CES3: variants seen among roughly 807,000 people sequenced by gnomAD.
The protein encoded by CES3 is carboxylesterase 3 (brain).
In CES3, 49 loss-of-function variants were observed where a neutral mutation model predicts 57.6. The ratio of observed to expected loss-of-function variants is 0.85; its 90% CI spans 0.68 to 1.08. The LOEUF (loss-of-function observed/expected upper bound fraction) is 1.08, where lower values mean the gene tolerates loss of function less well. Ranked by LOEUF, CES3 falls within the 50% of genes least tolerant of loss-of-function variation. The pLI is 0.00. For missense variants in CES3, 645 were observed against 742.0 expected (o/e 0.87, Z 1.52); for synonymous variants, 266 against 281.6 (o/e 0.94, Z 0.55).
At position 66,973,166 on chromosome 16, in the gene CES3, T is replaced by C. The variant is rs189762509; in HGVS notation, c.*117T>C. 7.8e-5 allele frequency: 69 copies of C among 885,772 alleles called. No homozygotes were observed. The highest frequency in any genetic ancestry group is 1.4e-4 in the Admixed American group (5 of 36,632). 54.9% of individuals were successfully genotyped at this position (885,772 alleles called of 1,614,324 possible). On this transcript the variant is annotated 3_prime_UTR_variant, in exon 13 of 13. Transcript: ENST00000303334. Reference sequence around the variant, plus strand: ...CTTTAATCTCCACCAGCCCTTAAAGTGTCGGCCGCTCTGTGACTGGAGTTA... The same window carrying C: ...CTTTAATCTCCACCAGCCCTTAAAGCGTCGGCCGCTCTGTGACTGGAGTTA...
Position 66,963,375 on chromosome 16 carries a change from GC to G in CES3, c.284del (p.Pro95GlnfsTer10). On this transcript the variant is annotated frameshift_variant, in exon 2 of 13. Coordinates refer to ENST00000303334, the MANE Select transcript of CES3 (RefSeq NM_024922.6). LOFTEE classifies it high-confidence loss of function. The surrounding 1 kb of genome is among the most constrained non-coding windows in gnomAD (Gnocchi z 4.9). ...AGGGTGTGCGGGATGCCAGCACTGC[GC>G]CCCCAATGTGAGTAGTGCTGGTGGA... The part of the protein sequence containing the change: ...WEGVRDASTA[P>X]PMCLQDVESM... 6.2e-7 allele frequency: 1 copy of G among 1,612,716 alleles called. No homozygotes were observed. Among genetic ancestry groups the G allele is most frequent in the Non-Finnish European group, 8.5e-7 (1 of 1,180,008 alleles).
intron 10 of CES3, 96 bp from the exon 11 acceptor site, chr16:66,972,260 A>G (rs1963846038): frequency 8.2e-7 from 1 of 1,219,530 alleles, no homozygotes; most frequent in African/African-American, 1.5e-5. Context: ...CATCATCATC[A>G]TCATGGAAAT....
Position 66,966,758 on chromosome 16 carries a change from A to G in CES3, c.955A>G (p.Thr319Ala). The G allele has an allele frequency of 6.2e-7, 1 of 1,614,116 alleles. No homozygotes were observed. Among genetic ancestry groups the G allele is most frequent in the Non-Finnish European group, 8.5e-7 (1 of 1,180,016 alleles). The change falls in exon 8 of 13, where the codon ACT (threonine) becomes GCT (alanine). Residue 319 changes from threonine to alanine, a missense_variant. Coordinates refer to ENST00000303334, the MANE Select transcript of CES3 (RefSeq NM_024922.6). The stretch of plus-strand genomic sequence containing the variant: ...TATCTATCCTCTCACCGTTGATGGC[A>G]CTGTCTTCCCCAAAAGCCCCAAGGA... ...NTIYPLTVDG[T>A]VFPKSPKELL...
At chr16:66,971,993 C>T (rs907175344) in intron 10 of CES3, among the ~76,000 whole-genome samples, 33 of 151,936 alleles carry the variant, frequency 2.2e-4, no homozygotes, top group African/African-American at 8.0e-4. Flanking sequence ...GAAAATTAGC[C>T]GGGCATGGTG....
intron 9 of CES3, 148 bp from the exon 10 acceptor site, chr16:66,971,024 C>G (rs939739232): frequency 8.4e-6 from 7 of 837,622 alleles, no homozygotes; most frequent in Non-Finnish European, 1.2e-5. Flanking sequence ...ATGCCAAACT[C>G]CCAGGGAGGC....
rs958490506 is a variant in CES3 at position 66,972,965 on chromosome 16, G to A, written c.1632G>A (p.Met544Ile). The A allele has an allele frequency of 6.2e-7, 1 of 1,614,172 alleles. No homozygotes were observed. Among genetic ancestry groups the A allele is most frequent in the Non-Finnish European group, 8.5e-7 (1 of 1,180,044 alleles). ...RAGQKFREAWMQFWSETLPSK... is the reference protein window; with the variant it reads ...RAGQKFREAWIQFWSETLPSK... ...GACAGAAGTTCAGGGAGGCCTGGATGCAGTTCTGGTCAGAGACGCTCCCCA... is the reference window on the plus strand; with the variant it reads ...GACAGAAGTTCAGGGAGGCCTGGATACAGTTCTGGTCAGAGACGCTCCCCA... The change falls in exon 13 of 13, where the codon ATG (methionine) becomes ATA (isoleucine). Residue 544 changes from methionine to isoleucine, a missense_variant. Coordinates refer to ENST00000303334, the MANE Select transcript of CES3 (RefSeq NM_024922.6).
rs989607266 is a variant in CES3 at position 66,973,113 on chromosome 16, C to T, written c.*64C>T. ...TTCAAGTGGTGGCAGAGTCCCAGCA[C>T]GGCAGCCCGCCTCTCCCCCTGCTGA... On this transcript the variant is annotated 3_prime_UTR_variant, in exon 13 of 13. Coordinates refer to ENST00000303334, the MANE Select transcript of CES3 (RefSeq NM_024922.6). The T allele has an allele frequency of 6.8e-5, 98 of 1,448,722 alleles. No homozygotes were observed. Among genetic ancestry groups the T allele is most frequent in the Admixed American group, 2.3e-4 (12 of 51,272 alleles). 89.7% of individuals were successfully genotyped at this position (1,448,722 alleles called of 1,614,324 possible).
chr16:66,967,882 G>A (rs1309243420), intron 8 of CES3: 2 of 471,978 alleles, frequency 4.2e-6, no homozygotes, highest in Non-Finnish European at 5.5e-6. Context: ...CCAGCTTCCT[G>A]AGTAGCTCGG....
chr16:66,969,830 C>A, intron 9 of CES3, 71 bp downstream of exon 9: 1 of 1,356,618 alleles, frequency 7.4e-7, no homozygotes, highest in Non-Finnish European at 1.0e-6. Flanking sequence ...CATCCAACAG[C>A]ACAGTCTCTG....
intron 7 of CES3, 102 bp downstream of exon 7, chr16:66,966,447 G>T: frequency 1.7e-6 from 2 of 1,206,348 alleles, no homozygotes; most frequent in South Asian, 2.8e-5. Flanking sequence ...GGTGGGGCTG[G>T]GGACAGCAGC....
At chr16:66,971,424 T>C in intron 10 of CES3, 105 bp downstream of exon 10, 1 of 1,187,102 alleles carries the variant, frequency 8.4e-7, no homozygotes, top group Non-Finnish European at 1.2e-6. Flanking sequence ...CTCAATGCCT[T>C]GCACCCCACA....
chr16:66,963,175 T>A lies in CES3; in HGVS notation c.83-4T>A. 1 of 1,614,236 alleles carries A rather than the reference T, an allele frequency of 6.2e-7. No homozygotes were observed. Among genetic ancestry groups the A allele is most frequent in the Non-Finnish European group, 8.5e-7 (1 of 1,180,034 alleles). On this transcript the variant is annotated splice_polypyrimidine_tract_variant and splice_region_variant and intron_variant, in intron 1 of 12. Coordinates refer to ENST00000303334, the MANE Select transcript of CES3 (RefSeq NM_024922.6). The surrounding 1 kb of genome is among the most constrained non-coding windows in gnomAD (Gnocchi z 4.9). ...ACCCCGTGGCCTTTCTGTCCTTCCC[T>A]CAGGGCCCGAAGTTGCTCAGCCTGA...
Position 66,969,705 on chromosome 16 carries a change from G to A in CES3, c.1089G>A (p.Glu363=), listed in dbSNP as rs1290913823. The change falls in exon 9 of 13, where the codon GAG becomes GAA. Residue 363 remains glutamate (E), a synonymous_variant. Transcript: ENST00000303334. ...PRGWGLLDTM[E]QMSREDMLAI... ...GCTGGGGTCTCCTGGATACAATGGA[G>A]CAGATGAGCCGGGAGGACATGCTGG... 5.6e-6 allele frequency: 9 copies of A among 1,613,494 alleles called. No individual in the cohort carries two copies. Among genetic ancestry groups the A allele is most frequent in the South Asian group, 2.2e-5 (2 of 90,822 alleles).
rs908513803 is a variant in CES3 at position 66,969,896 on chromosome 16, C to G, written c.1143+137C>G. On this transcript the variant is annotated intron_variant, in intron 9 of 12. Coordinates refer to ENST00000303334, the MANE Select transcript of CES3 (RefSeq NM_024922.6). ...CCTACCACCAAGCCCCTTTGTCTAA[C>G]TGATCAATTTTACTTCCACTCCGGA... 5 of 719,172 alleles carry G rather than the reference C, an allele frequency of 7.0e-6. No homozygotes were observed. The African/African-American group carries it at 8.8e-5, about 13-fold the overall frequency. 44.5% of individuals were successfully genotyped at this position (719,172 alleles called of 1,614,324 possible). A position where few individuals can be genotyped will look rare whatever the true frequency, so the allele number is the denominator to read the frequency against.
In CES3 at chr16:66,972,941, A is replaced by G. The variant is rs562941876; in HGVS notation, c.1608A>G (p.Gly536=). 1.4e-5 allele frequency: 22 copies of G among 1,614,112 alleles called. 1 individual carries two copies. In the South Asian group the frequency reaches 2.1e-4, roughly 15 times the overall value. Residue 536 remains glycine, a synonymous_variant, in exon 13 of 13, where the codon GGA becomes GGG. Coordinates refer to ENST00000303334, the MANE Select transcript of CES3 (RefSeq NM_024922.6). ...AGATCAACCCAGTGCCACGGGCCGG[A>G]CAGAAGTTCAGGGAGGCCTGGATGC... is the stretch of plus-strand genomic sequence containing the variant. ...YLEINPVPRA[G]QKFREAWMQF...
intron 8 of CES3, chr16:66,967,902 C>A: frequency 3.2e-6 from 1 of 311,794 alleles, no homozygotes; most frequent in Non-Finnish European, 4.7e-6. Context: ...GGCCTCAGGT[C>A]TGTGCCACCA....
At chr16:66,968,406 G>A (rs1963773313) in intron 8 of CES3, among the ~76,000 whole-genome samples, 1 of 152,044 alleles carries the variant, frequency 6.6e-6, no homozygotes, top group African/African-American at 2.4e-5. Flanking sequence ...GAACTCAGGT[G>A]ATCCACCAGC....
At position 66,973,107 on chromosome 16, in the gene CES3, C is replaced by T. The variant is rs1963871709; in HGVS notation, c.*58C>T. 6.6e-7 allele frequency: 1 copy of T among 1,506,648 alleles called. No homozygotes were observed. The allele number at this position is 1,506,648 out of a possible 1,614,324, so 93.3% of individuals were successfully genotyped here. ...CCACTCTTCAAGTGGTGGCAGAGTC[C>T]CAGCACGGCAGCCCGCCTCTCCCCC... On this transcript the variant is annotated 3_prime_UTR_variant, in exon 13 of 13. Coordinates refer to ENST00000303334, the MANE Select transcript of CES3 (RefSeq NM_024922.6).
At chr16:66,966,576 C>T in intron 7 of CES3, 149 bp from the exon 8 acceptor site, 2 of 1,032,972 alleles carry the variant, frequency 1.9e-6, no homozygotes, top group Non-Finnish European at 2.8e-6. Flanking sequence ...TCTCCTGGTT[C>T]CCCCGACCCC....
Sources: allele counts gnomAD v4.1 joint callset (sites outside exome capture counted in the v4.1 genomes callset), GRCh38; gene constraint gnomAD v4.1.1; non-coding constraint Gnocchi (gnomAD v3.1); transcripts MANE v1.5; gene names NCBI Gene and HGNC (gene_info 2026-07-23, HGNC 2026-07-21).